ABCC8: variants seen among roughly 807,000 people sequenced by gnomAD.
ABCC8 encodes ATP-binding cassette sub-family C member 8.
A neutral mutation model predicts 188.0 loss-of-function variants in ABCC8; 137 were observed. The ratio of observed to expected loss-of-function variants is 0.73; its 90% CI spans 0.63 to 0.84. The LOEUF is 0.84. Among genes scored for constraint, ABCC8 ranks in the 40% least tolerant of loss-of-function variants. The pLI is 0.00. For synonymous variants in ABCC8, 797 were observed against 846.5 expected (o/e 0.94, Z 1.01); for missense variants, 1,750 against 2,072.7 (o/e 0.84, Z 3.02).
intron 16 of ABCC8, among the ~76,000 whole-genome samples, chr11:17,426,591 G>GGT (rs535512866): frequency 6.5e-4 from 99 of 152,254 alleles, no homozygotes; most frequent in Admixed American, 1.8e-3. Context: ...ACCCACTTAT[G>GGT]GTGTGTAGGT....
chr11:17,417,658 A>T (rs1484223021), intron 16 of ABCC8, among the ~76,000 whole-genome samples: 2 of 152,098 alleles, frequency 1.3e-5, no homozygotes, highest in African/African-American at 4.8e-5. Context: ...TGGGGGAAAA[A>T]ATCTGCTTTA....
At chr11:17,444,106 C>T (rs755908622) in intron 8 of ABCC8, among the ~76,000 whole-genome samples, 6 of 152,146 alleles carry the variant, frequency 3.9e-5, no homozygotes, top group East Asian at 3.8e-4. Context: ...CTTCCAGCAC[C>T]GCCTCAAGGA....
chr11:17,408,970 T>TC (rs1954674903), intron 22 of ABCC8, among the ~76,000 whole-genome samples: 1 of 151,342 alleles, frequency 6.6e-6, no homozygotes, highest in African/African-American at 2.4e-5. Flanking sequence ...TTTTTTTTTT[T>TC]TGAGACAGGG....
intron 10 of ABCC8, among the ~76,000 whole-genome samples, chr11:17,436,499 T>A (rs1198791430): frequency 6.6e-6 from 1 of 152,152 alleles, no homozygotes; most frequent in Non-Finnish European, 1.5e-5. Context: ...TAGATTTCTG[T>A]CCAACTCAGG....
intron 2 of ABCC8, 79 bp downstream of exon 2, chr11:17,474,807 T>G: frequency 1.4e-6 from 2 of 1,460,440 alleles, no homozygotes; most frequent in Non-Finnish European, 1.9e-6. Flanking sequence ...GGAATATAGG[T>G]GAGCTAGGAT....
Position 17,408,458 on chromosome 11 carries a change from C to A in ABCC8, c.2754G>T (p.Arg918Ser). 6.2e-7 allele frequency: 1 copy of A among 1,613,858 alleles called. No individual in the cohort carries two copies. Among genetic ancestry groups the A allele is most frequent in the South Asian group, 1.1e-5 (1 of 91,074 alleles). The change falls in exon 23 of 39, where the codon AGG (arginine) becomes AGT (serine). Residue 918 changes from arginine to serine, a missense_variant. Arg to Ser is a moderately radical substitution (Grantham distance 110). Coordinates refer to ENST00000389817, the MANE Select transcript of ABCC8 (RefSeq NM_000352.6). ...AGTGCTCAAAGAGCTGGCATTCAGA[C>A]CTCTGGAAGTCCTTGAGGGTACCCT... is the stretch of plus-strand genomic sequence containing the variant. ...QREGTLKDFQ[R>S]SECQLFEHWK...
At chr11:17,471,830 C>G (rs1056508392) in intron 2 of ABCC8, among the ~76,000 whole-genome samples, 3 of 152,196 alleles carry the variant, frequency 2.0e-5, no homozygotes, top group Non-Finnish European at 2.9e-5. Flanking sequence ...CTTGAAAAGG[C>G]AAACTCCACA....
intron 18 of ABCC8, 75 bp downstream of exon 18, chr11:17,415,229 G>A: frequency 6.4e-7 from 1 of 1,557,834 alleles, no homozygotes. Context: ...CCAGCAGGGT[G>A]ATGTGGCTCC....
chr11:17,443,455 T>C, intron 8 of ABCC8, 143 bp from the exon 9 acceptor site: 1 of 1,400,950 alleles, frequency 7.1e-7, no homozygotes, highest in South Asian at 1.2e-5. Flanking sequence ...GGGAGTGGAG[T>C]GCAGGGAAGG....
Position 17,461,322 on chromosome 11 carries a change from T to A in ABCC8, c.822+261A>T, listed in dbSNP as rs1591887834. On this transcript the variant is annotated intron_variant, in intron 5 of 38. Coordinates refer to ENST00000389817, the MANE Select transcript of ABCC8 (RefSeq NM_000352.6). Reference sequence around the variant, plus strand: ...TGGGGTCACTTCCCTTCTCAGAGCCTCAGTTTCCCCATCTGGATAAGGACT... The same window carrying A: ...TGGGGTCACTTCCCTTCTCAGAGCCACAGTTTCCCCATCTGGATAAGGACT... The A allele has an allele frequency of 7.4e-6, 4 of 538,554 alleles. No homozygotes were observed. The East Asian group carries it at 1.0e-4, about 13-fold the overall frequency. 33.4% of individuals were successfully genotyped at this position (538,554 alleles called of 1,614,324 possible).
At position 17,406,633 on chromosome 11, in the gene ABCC8, T is replaced by G. The variant is rs750430789; in HGVS notation, c.3318A>C (p.Leu1106=). Residue 1106 remains leucine, a synonymous_variant, in exon 26 of 39, where the codon CTA becomes CTC. Transcript: ENST00000389817. The stretch of plus-strand genomic sequence containing the variant: ...GGGGAGACGGGTACCTCATGGGGGC[T>G]AGGATGATCCGGTTTAGCAGGCTGC... ...LHRSLLNRII[L]APMRFFETTP... is the part of the protein sequence containing the mutation. The G allele has an allele frequency of 6.2e-7, 1 of 1,613,990 alleles. No homozygotes were observed. The highest frequency in any genetic ancestry group is 1.1e-5 in the South Asian group (1 of 91,066).
At position 17,395,609 on chromosome 11, in the gene ABCC8, C is replaced by A. The variant is rs1454700673; in HGVS notation, c.4307+1G>T. On this transcript the variant is annotated splice_donor_variant, in intron 35 of 38. Transcript: ENST00000389817. LOFTEE classifies it high-confidence loss of function. Reference sequence around the variant, plus strand: ...TGGGCCTGAGGGGTGGTGGGGCTCACCGGATGGTGCCGCTGAAGAGGACGG... The same window carrying A: ...TGGGCCTGAGGGGTGGTGGGGCTCAACGGATGGTGCCGCTGAAGAGGACGG... The A allele has an allele frequency of 6.5e-7, 1 of 1,549,958 alleles. No individual in the cohort carries two copies. The highest frequency in any genetic ancestry group is 8.7e-7 in the Non-Finnish European group (1 of 1,148,096).
rs779736828 is a variant in ABCC8, at chr11:17,413,396, G to A, written c.2473C>T (p.Arg825Trp). ...PHGDQTQIGERGINLSGGQRQ... is the reference protein window; with the variant it reads ...PHGDQTQIGEWGINLSGGQRQ... ...ACCCCTCAGAGGCTGCTACTAACCC[G>A]TTCCCCAATCTGGGTCTGGTCTCCA... Residue 825 changes from arginine (R) to tryptophan (W), a missense_variant and splice_region_variant, in exon 20 of 39, where the codon CGG (arginine) becomes TGG (tryptophan). Coordinates refer to ENST00000389817, the MANE Select transcript of ABCC8 (RefSeq NM_000352.6). The A allele has an allele frequency of 1.2e-6, 2 of 1,614,164 alleles. No homozygotes were observed. Among genetic ancestry groups the A allele is most frequent in the Non-Finnish European group, 1.7e-6 (2 of 1,180,022 alleles).
intron 8 of ABCC8, among the ~76,000 whole-genome samples, chr11:17,445,239 T>G (rs1159998830): frequency 2.6e-5 from 4 of 152,240 alleles, no homozygotes; most frequent in Non-Finnish European, 1.5e-5. Flanking sequence ...ATAGCCCAAA[T>G]GTTTGAGCAA....
rs1177827656 is a variant in ABCC8 at position 17,407,361 on chromosome 11, C to T, written c.2913G>A (p.Glu971=). 6.2e-7 allele frequency: 1 copy of T among 1,614,212 alleles called. No homozygotes were observed. Residue 971 remains glutamate, a synonymous_variant, in exon 24 of 39, where the codon GAG becomes GAA. Coordinates refer to ENST00000389817, the MANE Select transcript of ABCC8 (RefSeq NM_000352.6). Reference sequence around the variant, plus strand: ...CAGTCCCATTGCCTGTACCTTCCTCCTCTTCCTCATCCTGCAGAAGGCCAT... The same window carrying T: ...CAGTCCCATTGCCTGTACCTTCCTCTTCTTCCTCATCCTGCAGAAGGCCAT... ...SRDGLLQDEE[E]EEEEAAESEE...
intron 8 of ABCC8, among the ~76,000 whole-genome samples, chr11:17,446,790 C>A (rs888534842): frequency 1.3e-5 from 2 of 152,010 alleles, no homozygotes; most frequent in Non-Finnish European, 2.9e-5. Context: ...TAGCTGTGTC[C>A]CTGTGGGAGC....
At chr11:17,441,903 A>C (rs920123310) in intron 10 of ABCC8, among the ~76,000 whole-genome samples, 2 of 152,016 alleles carry the variant, frequency 1.3e-5, no homozygotes, top group African/African-American at 4.8e-5. Flanking sequence ...AATATGGTGA[A>C]ACTCTGTCTC....
chr11:17,450,588 G>A (rs1405170141), intron 7 of ABCC8, among the ~76,000 whole-genome samples: 13 of 147,094 alleles, frequency 8.8e-5, no homozygotes, highest in Non-Finnish European at 8.9e-5. Context: ...TAGTAGAGAC[G>A]GGGTTTCACC....
At chr11:17,473,068 G>C (rs560881287) in intron 2 of ABCC8, among the ~76,000 whole-genome samples, 1 of 152,096 alleles carries the variant, frequency 6.6e-6, no homozygotes, top group African/African-American at 2.4e-5. Flanking sequence ...ATGTTTTATC[G>C]TATGTTTATA....
Sources: gnomAD v4.1 joint callset for allele counts (sites outside exome capture counted in the v4.1 genomes callset) on GRCh38, gnomAD v4.1.1 for gene constraint, MANE v1.5 for transcripts, NCBI Gene and HGNC (gene_info 2026-07-23, HGNC 2026-07-21) for gene names.